The following HPSE2 variants were observed in gnomAD, a reference collection of about 807,000 sequenced individuals.
HPSE2 encodes the protein inactive heparanase-2.
A neutral mutation model predicts 60.5 loss-of-function variants in HPSE2; 38 were observed. That is an observed-to-expected ratio of 0.63 (90% confidence interval 0.48 to 0.82). HPSE2 has a LOEUF of 0.82. Ranked by LOEUF, HPSE2 falls within the 40% of genes least tolerant of loss-of-function variation. The pLI is 0.00. For missense variants in HPSE2, 713 were observed against 740.4 expected (o/e 0.96, Z 0.43); for synonymous variants, 295 against 293.2 (o/e 1.01, Z -0.06).
chr10:99,128,860 T>TA (rs539013411), intron 3 of HPSE2, among the ~76,000 whole-genome samples: 193 of 151,764 alleles, frequency 1.3e-3, no homozygotes, highest in South Asian at 4.0e-3. Context: ...TTTCATTTTT[T>TA]AAAAAAAAAT....
the HPSE2 span, among the ~76,000 whole-genome samples, chr10:99,305,979 G>GCGCACGCACACACACACACACACACA: frequency 1.2e-5 from 1 of 80,580 alleles, no homozygotes; most frequent in African/African-American, 5.4e-5. Context: ...GCGCGCGCGC[G>GCGCACGCACACACACACACACACACA]CACACACACA....
At chr10:99,132,172 A>G (rs1182586279) in intron 3 of HPSE2, among the ~76,000 whole-genome samples, 1 of 7,202 alleles carries the variant, frequency 1.4e-4, no homozygotes, top group African/African-American at 2.2e-4. Flanking sequence ...AAAGAAAGAA[A>G]GAAAGAAAGA....
chr10:99,158,594 G>A (rs1334590225), intron 2 of HPSE2, among the ~76,000 whole-genome samples: 1 of 139,786 alleles, frequency 7.2e-6, no homozygotes, highest in African/African-American at 2.7e-5. Flanking sequence ...CACACTCTGG[G>A]GACTGTGGTG....
At chr10:99,037,668 G>T (rs865816555) in intron 3 of HPSE2, among the ~76,000 whole-genome samples, 1 of 151,848 alleles carries the variant, frequency 6.6e-6, no homozygotes, top group Non-Finnish European at 1.5e-5. Context: ...AAGGAATAAA[G>T]AAATAAAATG....
At chr10:98,605,932 T>C (rs141803059) in intron 9 of HPSE2, among the ~76,000 whole-genome samples, 1 of 152,360 alleles carries the variant, frequency 6.6e-6, no homozygotes, top group African/African-American at 2.4e-5. Flanking sequence ...GCCTCTCTAA[T>C]GGCTGCCTCT....
At chr10:98,909,301 C>T (rs1467117864) in intron 3 of HPSE2, among the ~76,000 whole-genome samples, 1 of 151,654 alleles carries the variant, frequency 6.6e-6, no homozygotes, top group Non-Finnish European at 1.5e-5. Flanking sequence ...CAATAAGGAA[C>T]ATGTAATAGT....
chr10:99,080,844 G>T (rs1193827454), intron 3 of HPSE2, among the ~76,000 whole-genome samples: 1 of 152,112 alleles, frequency 6.6e-6, no homozygotes, highest in African/African-American at 2.4e-5. Flanking sequence ...ACTTTTATAG[G>T]CCAAAATTCC....
rs1286430710 is a variant in HPSE2 at position 99,063,042 on chromosome 10, CCCTT to C, written c.610+81192_610+81195del. 2.0e-5 allele frequency among the ~76,000 whole-genome samples: 3 copies of C among 152,260 alleles called. No individual in the cohort carries two copies. In the East Asian group the frequency reaches 5.8e-4, roughly 29 times the overall value. ...TTTCTAGTGTGAGCCTAGATGTGAG[CCCTT>C]CCTTCTGGAACAAGTCACTGAAGCC... On this transcript the variant is annotated intron_variant, in intron 3 of 11. Transcript: ENST00000370552.
intron 3 of HPSE2, among the ~76,000 whole-genome samples, chr10:99,096,229 T>C (rs558273876): frequency 6.6e-6 from 1 of 152,356 alleles, no homozygotes; most frequent in African/African-American, 2.4e-5. Context: ...AATAGCTGCA[T>C]AACATTCCAC....
chr10:99,233,350 C>T (rs531098046), intron 1 of HPSE2, among the ~76,000 whole-genome samples: 2 of 152,274 alleles, frequency 1.3e-5, no homozygotes, highest in South Asian at 4.2e-4. Flanking sequence ...CCACTTGGGG[C>T]CGTTTGGAAC....
chr10:99,268,846 G>C, the HPSE2 span, among the ~76,000 whole-genome samples: 1 of 151,910 alleles, frequency 6.6e-6, no homozygotes, highest in South Asian at 2.1e-4. Context: ...AAAAGATAAA[G>C]AATGGCAGAA....
At chr10:99,229,530 C>G (rs569084913) in intron 2 of HPSE2, among the ~76,000 whole-genome samples, 4 of 152,278 alleles carry the variant, frequency 2.6e-5, no homozygotes, top group African/African-American at 9.6e-5. Flanking sequence ...AAAAAAATAA[C>G]TTACAAACAT....
intron 9 of HPSE2, among the ~76,000 whole-genome samples, chr10:98,509,968 C>T (rs535883763): frequency 1.7e-3 from 266 of 152,102 alleles, no homozygotes; most frequent in African/African-American, 5.4e-3. Flanking sequence ...CACACACACA[C>T]ACGCACACAC....
chr10:98,484,165 T>C (rs1941351164), intron 10 of HPSE2, among the ~76,000 whole-genome samples: 1 of 152,214 alleles, frequency 6.6e-6, no homozygotes, highest in African/African-American at 2.4e-5. Context: ...CCATGTCCTT[T>C]GCCTGCCTGC....
intron 6 of HPSE2, among the ~76,000 whole-genome samples, chr10:98,676,560 C>T (rs535103422): frequency 1.6e-4 from 25 of 152,288 alleles, no homozygotes; most frequent in African/African-American, 6.0e-4. Flanking sequence ...CTTTGGCTAA[C>T]TGATGACCTG....
chr10:98,795,655 T>C (rs1392383881), intron 3 of HPSE2, among the ~76,000 whole-genome samples: 1 of 152,124 alleles, frequency 6.6e-6, no homozygotes, highest in East Asian at 1.9e-4. Context: ...TCAGAGCCAG[T>C]AGACTCAGGT....
intron 3 of HPSE2, among the ~76,000 whole-genome samples, chr10:99,009,330 G>A (rs1293467104): frequency 6.6e-6 from 1 of 150,892 alleles, no homozygotes; most frequent in Non-Finnish European, 1.5e-5. Context: ...TGAGGTGGGT[G>A]AATTGCATGA....
chr10:98,650,659 G>A (rs964322078), intron 6 of HPSE2, among the ~76,000 whole-genome samples: 1 of 152,136 alleles, frequency 6.6e-6, no homozygotes, highest in Non-Finnish European at 1.5e-5. Flanking sequence ...TAGACATACT[G>A]AGCCTGGTGT....
At chr10:98,577,664 T>C (rs1423065430) in intron 9 of HPSE2, among the ~76,000 whole-genome samples, 1 of 152,208 alleles carries the variant, frequency 6.6e-6, no homozygotes, top group Non-Finnish European at 1.5e-5. Context: ...ATCAGGTTAG[T>C]TTGGTGGTAC....
Sources: allele counts gnomAD v4.1 joint callset (sites outside exome capture counted in the v4.1 genomes callset), GRCh38; gene constraint gnomAD v4.1.1; transcripts MANE v1.5; gene names NCBI Gene and HGNC (gene_info 2026-07-23, HGNC 2026-07-21).